KIFAP3: variants seen among roughly 807,000 people sequenced by gnomAD.
The protein encoded by KIFAP3 is kinesin associated protein 3.
A neutral mutation model predicts 106.5 loss-of-function variants in KIFAP3; 68 were observed. The observed-to-expected ratio is 0.64, with a 90% CI of 0.53 to 0.78. The LOEUF is 0.78. KIFAP3 is among the 30% of genes least tolerant of loss of function. The pLI, the probability that KIFAP3 is intolerant of heterozygous loss-of-function variation, is 0.00. For missense variants in KIFAP3, 780 were observed against 941.8 expected, an observed-to-expected ratio of 0.83 and a Z score of 2.25; for synonymous variants, 320 against 311.5, an observed-to-expected ratio of 1.03 and a Z score of -0.29.
intron 19 of KIFAP3, among the ~76,000 whole-genome samples, chr1:169,938,627 G>A (rs965422759): frequency 7.2e-5 from 11 of 152,242 alleles, no homozygotes; most frequent in African/African-American, 2.4e-4. Context: ...GGTGCCAGTA[G>A]ATAGAACTTT....
At chr1:169,978,453 A>G (rs1666342328) in intron 15 of KIFAP3, among the ~76,000 whole-genome samples, 1 of 152,008 alleles carries the variant, frequency 6.6e-6, no homozygotes, top group African/African-American at 2.4e-5. Context: ...CAGGAGAAAA[A>G]TAATTCTTAA....
chr1:170,044,000 A>G (rs921658282), intron 3 of KIFAP3, among the ~76,000 whole-genome samples: 8 of 152,182 alleles, frequency 5.3e-5, no homozygotes, highest in Admixed American at 4.6e-4. Context: ...GTGATTAATC[A>G]ACACAAAGAT....
intron 17 of KIFAP3, among the ~76,000 whole-genome samples, chr1:169,972,100 A>G (rs980150266): frequency 6.6e-6 from 1 of 152,058 alleles, no homozygotes. Context: ...GGACAACTGT[A>G]TGTATAAAAT....
intron 10 of KIFAP3, among the ~76,000 whole-genome samples, chr1:170,008,133 G>A (rs1212736728): frequency 6.6e-6 from 1 of 151,578 alleles, no homozygotes; most frequent in African/African-American, 2.4e-5. Flanking sequence ...ATGGATTAAA[G>A]ACTTAAACGT....
intron 11 of KIFAP3, among the ~76,000 whole-genome samples, chr1:169,991,094 T>C (rs1667075574): frequency 6.6e-6 from 1 of 152,040 alleles, no homozygotes; most frequent in African/African-American, 2.4e-5. Context: ...ATCCCAGCAC[T>C]TTGGGAGGAC....
At chr1:170,029,094 C>T (rs1669265727) in intron 8 of KIFAP3, among the ~76,000 whole-genome samples, 1 of 151,964 alleles carries the variant, frequency 6.6e-6, no homozygotes, top group Non-Finnish European at 1.5e-5. Context: ...AGTAGATTAA[C>T]ATAAGAAAAG....
intron 3 of KIFAP3, among the ~76,000 whole-genome samples, chr1:170,040,768 G>T (rs1435021934): frequency 6.6e-6 from 1 of 151,318 alleles, no homozygotes; most frequent in Non-Finnish European, 1.5e-5. Context: ...CCTTATCTAC[G>T]TAGTACTTAA....
chr1:170,073,419 G>T (rs1369578427), intron 1 of KIFAP3, among the ~76,000 whole-genome samples: 1 of 152,216 alleles, frequency 6.6e-6, no homozygotes, highest in African/African-American at 2.4e-5. Flanking sequence ...ACACTTGGAA[G>T]ATCTTTCTGT....
At chr1:170,015,597 G>T (rs1439128067) in intron 10 of KIFAP3, among the ~76,000 whole-genome samples, 3 of 152,108 alleles carry the variant, frequency 2.0e-5, no homozygotes. Flanking sequence ...TTTACTTTCT[G>T]GTTAAGAAAG....
At chr1:169,924,539 T>A (rs181888594) in intron 19 of KIFAP3, among the ~76,000 whole-genome samples, 26 of 152,290 alleles carry the variant, frequency 1.7e-4, no homozygotes, top group Admixed American at 1.4e-3. Context: ...AGGTCCTAGG[T>A]CCTTTTGTAT....
At chr1:170,078,998 C>T (rs1280989180), upstream of KIFAP3, among the ~76,000 whole-genome samples, 1 of 152,168 alleles carries the variant, frequency 6.6e-6, no homozygotes, top group East Asian at 1.9e-4. Flanking sequence ...ACATGAAAAT[C>T]CAATAATTAA....
chr1:170,061,123 C>T (rs1239659446), intron 1 of KIFAP3, among the ~76,000 whole-genome samples: 1 of 152,212 alleles, frequency 6.6e-6, no homozygotes, highest in Non-Finnish European at 1.5e-5. Flanking sequence ...ATGTTTAAAA[C>T]ACCAAAAGCA....
At chr1:170,035,360 TGA>T in intron 6 of KIFAP3, 92 bp downstream of exon 6, 1 of 684,160 alleles carries the variant, frequency 1.5e-6, no homozygotes, top group Non-Finnish European at 2.4e-6. Flanking sequence ...ACAGAAAAAC[TGA>T]GAGAACAAGT....
At chr1:170,052,942 A>T (rs1033256809) in intron 2 of KIFAP3, among the ~76,000 whole-genome samples, 1 of 152,238 alleles carries the variant, frequency 6.6e-6, no homozygotes, top group African/African-American at 2.4e-5. Context: ...CAAGACAAGG[A>T]TGCCCTCTCT....
upstream of KIFAP3, among the ~76,000 whole-genome samples, chr1:170,078,588 A>G (rs1334954650): frequency 4.6e-5 from 7 of 152,194 alleles, no homozygotes; most frequent in Non-Finnish European, 8.8e-5. Context: ...AATACCTTGA[A>G]TGATATTTAT....
intron 19 of KIFAP3, among the ~76,000 whole-genome samples, chr1:169,953,322 G>A (rs1664823371): frequency 1.3e-5 from 2 of 151,732 alleles, no homozygotes; most frequent in Admixed American, 6.6e-5. Context: ...TTTAATAAAA[G>A]CACCAACTTT....
intron 1 of KIFAP3, among the ~76,000 whole-genome samples, chr1:170,059,791 A>T (rs1191490086): frequency 6.6e-6 from 1 of 152,244 alleles, no homozygotes; most frequent in Non-Finnish European, 1.5e-5. Flanking sequence ...AACTGAATCC[A>T]GCAGCACATC....
At position 170,041,802 on chromosome 1, in the gene KIFAP3, C is replaced by G. The variant is rs543834880; in HGVS notation, c.320-2514G>C. The G allele has an allele frequency of 2.8e-5, 42 of 1,513,346 alleles. No homozygotes were observed. The South Asian group carries it at 5.2e-4, about 19-fold the overall frequency. The allele number at this position is 1,513,346 out of a possible 1,614,324, so 93.7% of individuals were successfully genotyped here. ...CTGATCTGTTGGCCTCCTTAAAGGT[C>G]GTGTTCCCTCTTCAGAAGTCCTGCT... is the stretch of plus-strand genomic sequence containing the variant. On this transcript the variant is annotated intron_variant, in intron 3 of 19. Transcript: ENST00000361580.
chr1:169,922,624 A>C (rs1662887635), intron 19 of KIFAP3, among the ~76,000 whole-genome samples: 2 of 152,214 alleles, frequency 1.3e-5, no homozygotes, highest in Admixed American at 1.3e-4. Flanking sequence ...ATTATCCAAC[A>C]CTTAGGAAAA....
Sources: allele counts gnomAD v4.1 joint callset (sites outside exome capture counted in the v4.1 genomes callset), GRCh38; gene constraint gnomAD v4.1.1; transcripts MANE v1.5; gene names NCBI Gene and HGNC (gene_info 2026-07-23, HGNC 2026-07-21).